The following SEL1L3 variants were observed in gnomAD, a reference collection of about 807,000 sequenced individuals.
The protein encoded by SEL1L3 is protein sel-1 homolog 3.
A neutral mutation model predicts 142.8 loss-of-function variants in SEL1L3; 76 were observed. The ratio of observed to expected loss-of-function variants is 0.53; its 90% CI spans 0.44 to 0.64. The LOEUF is 0.64. Ranked by LOEUF, SEL1L3 falls within the 30% of genes least tolerant of loss-of-function variation. The pLI is 0.00. For synonymous variants in SEL1L3, 504 were observed against 519.6 expected, an observed-to-expected ratio of 0.97 and a Z score of 0.41; for missense variants, 1,262 against 1,381.7, an observed-to-expected ratio of 0.91 and a Z score of 1.37.
At chr4:25,716,877 A>G in the SEL1L3 span, among the ~76,000 whole-genome samples, 2 of 152,312 alleles carry the variant, frequency 1.3e-5, no homozygotes, top group Admixed American at 1.3e-4. Flanking sequence ...CTGTAACCCC[A>G]GAACCTTTGG....
At chr4:25,831,513 T>TA (rs1560340097) in intron 5 of SEL1L3, among the ~76,000 whole-genome samples, 6,538 of 100,532 alleles carry the variant, frequency 0.065, 173 homozygotes, top group Admixed American at 0.082. Flanking sequence ...TAATAATAAT[T>TA]ATTATTATTA....
intron 23 of SEL1L3, chr4:25,756,455 G>T: frequency 1.0e-6 from 1 of 985,054 alleles, no homozygotes; most frequent in Non-Finnish European, 1.2e-6. Context: ...AACTACAGCC[G>T]TCATTTTGGT....
chr4:25,818,971 C>A (rs1714576244), intron 8 of SEL1L3, among the ~76,000 whole-genome samples: 2 of 152,196 alleles, frequency 1.3e-5, no homozygotes, highest in South Asian at 2.1e-4. Context: ...TCCCTCCCTC[C>A]ACGACCTGGA....
chr4:25,844,772 T>C (rs1361913458), intron 2 of SEL1L3, among the ~76,000 whole-genome samples: 5 of 152,150 alleles, frequency 3.3e-5, no homozygotes, highest in Non-Finnish European at 7.4e-5. Flanking sequence ...CCTTAACAAA[T>C]TAGGTGGCCC....
In SEL1L3 at chr4:25,790,447, G is replaced by A. The variant is rs367563253; in HGVS notation, c.2076+8C>T. 3.8e-5 allele frequency: 62 copies of A among 1,613,424 alleles called. No individual in the cohort carries two copies. The highest frequency in any genetic ancestry group is 1.7e-4 in the African/African-American group (13 of 74,852). Reference sequence around the variant, plus strand: ...CAGAATCCCCAAGACAGTAGCCTGCGTTTTTACCTGAGCTGCTGCATTGCC... The same window carrying A: ...CAGAATCCCCAAGACAGTAGCCTGCATTTTTACCTGAGCTGCTGCATTGCC... On this transcript the variant is annotated splice_region_variant and intron_variant, in intron 12 of 23. Coordinates refer to ENST00000399878, the MANE Select transcript of SEL1L3 (RefSeq NM_015187.5).
chr4:25,778,571 A>C (rs1271307556), intron 16 of SEL1L3, among the ~76,000 whole-genome samples: 10 of 152,230 alleles, frequency 6.6e-5, no homozygotes, highest in Admixed American at 5.2e-4. Flanking sequence ...GTAAACCCTG[A>C]TACTAATGTA....
At chr4:25,862,360 G>A (rs777874625) in intron 1 of SEL1L3, among the ~76,000 whole-genome samples, 2 of 151,876 alleles carry the variant, frequency 1.3e-5, no homozygotes, top group Admixed American at 6.5e-5. Flanking sequence ...GCGAACTCCG[G>A]GCGGCGAGGC....
chr4:25,845,983 G>T (rs117326339), intron 2 of SEL1L3, among the ~76,000 whole-genome samples: 1 of 152,032 alleles, frequency 6.6e-6, no homozygotes, highest in Non-Finnish European at 1.5e-5. Context: ...CCCCACCCCC[G>T]CAGATCCTGA....
chr4:25,835,057 A>C, intron 3 of SEL1L3, 140 bp downstream of exon 3: 1 of 962,214 alleles, frequency 1.0e-6, no homozygotes, highest in East Asian at 2.4e-5. Context: ...ATTCTGTCTA[A>C]GCCATGGAAA....
At chr4:25,840,408 A>G (rs2109298493) in intron 2 of SEL1L3, among the ~76,000 whole-genome samples, 1 of 152,312 alleles carries the variant, frequency 6.6e-6, no homozygotes, top group East Asian at 1.9e-4. Context: ...TTTCACAAAG[A>G]CAAGTCAAGG....
rs758157762 is a variant in SEL1L3 at position 25,830,105 on chromosome 4, T to C, written c.1150A>G (p.Thr384Ala). The C allele has an allele frequency of 6.2e-7, 1 of 1,608,722 alleles. No individual in the cohort carries two copies. The highest frequency in any genetic ancestry group is 1.1e-5 in the South Asian group (1 of 90,848). ...GQDLKSYHNQTISFREDFHYN... is the reference protein window; with the variant it reads ...GQDLKSYHNQAISFREDFHYN... The stretch of plus-strand genomic sequence containing the variant: ...AAGAAAAATCGCACTTACCTAATGG[T>C]CTGATTGTGGTAGCTTTTCAAATCC... The change falls in exon 6 of 24, where the codon ACC (threonine) becomes GCC (alanine). Residue 384 changes from threonine (T) to alanine (A), a missense_variant. Physicochemically the swap from Thr to Ala is moderately conservative, Grantham distance 58. Coordinates refer to ENST00000399878, the MANE Select transcript of SEL1L3 (RefSeq NM_015187.5).
chr4:25,784,214 T>C lies in SEL1L3; in HGVS notation c.2280+14A>G. 1 of 1,605,158 alleles carries C rather than the reference T, an allele frequency of 6.2e-7. No homozygotes were observed. The highest frequency in any genetic ancestry group is 2.2e-5 in the East Asian group (1 of 44,820). On this transcript the variant is annotated intron_variant, in intron 14 of 23. Coordinates refer to ENST00000399878, the MANE Select transcript of SEL1L3 (RefSeq NM_015187.5). ...TGGTGGAACTGTTTCCCTCTGACAA[T>C]ATGCATGTGTTACCTTGGAAGCTGC...
rs867785301 is a variant in SEL1L3 at position 25,830,267 on chromosome 4, T to A, written c.1099-111A>T. On this transcript the variant is annotated intron_variant, in intron 5 of 23. Transcript: ENST00000399878. Reference sequence around the variant, plus strand: ...ATGTGTTGGAGAGTCTTTTACCTGATCAGTTTCTGCAAAAATAAAATTAAC... The same window carrying A: ...ATGTGTTGGAGAGTCTTTTACCTGAACAGTTTCTGCAAAAATAAAATTAAC... 8.0e-6 allele frequency: 5 copies of A among 628,798 alleles called. 1 individual carries two copies. In the Middle Eastern group the frequency reaches 1.3e-3, roughly 160 times the overall value. 39.0% of individuals were successfully genotyped at this position (628,798 alleles called of 1,614,324 possible). A position where few individuals can be genotyped will look rare whatever the true frequency, so the allele number is the denominator to read the frequency against.
intron 2 of SEL1L3, among the ~76,000 whole-genome samples, chr4:25,836,040 T>C (rs1397780831): frequency 6.6e-6 from 1 of 152,212 alleles, no homozygotes; most frequent in Admixed American, 6.5e-5. Flanking sequence ...ATCCATACTC[T>C]TAAAATTGCA....
chr4:25,837,114 G>A (rs1715881438), intron 2 of SEL1L3, among the ~76,000 whole-genome samples: 2 of 151,902 alleles, frequency 1.3e-5, no homozygotes, highest in East Asian at 3.9e-4. Context: ...GGGCCCACTG[G>A]ACTTGCTGGT....
At chr4:25,753,277 T>C (rs556260736) in intron 23 of SEL1L3, among the ~76,000 whole-genome samples, 2 of 152,380 alleles carry the variant, frequency 1.3e-5, no homozygotes, top group Admixed American at 1.3e-4. Flanking sequence ...CTGCAAGTCT[T>C]GACTATAAAT....
At chr4:25,816,260 TAGAAGAC>T (rs997431456) in intron 9 of SEL1L3, among the ~76,000 whole-genome samples, 1 of 151,758 alleles carries the variant, frequency 6.6e-6, no homozygotes, top group Non-Finnish European at 1.5e-5. Flanking sequence ...AACCCAATAC[TAGAAGAC>T]AGATACTATT....
the SEL1L3 span, among the ~76,000 whole-genome samples, chr4:25,737,242 T>A: frequency 6.6e-6 from 1 of 152,168 alleles, no homozygotes; most frequent in South Asian, 2.1e-4. Flanking sequence ...CTTGGCCTCG[T>A]AAAGTGCTGG....
rs1405035475 is a variant in SEL1L3, at chr4:25,843,892, C to T, written c.733+3402G>A. Among the ~76,000 whole-genome samples, 3 of 152,272 alleles carry T rather than the reference C, an allele frequency of 2.0e-5. No homozygotes were observed. The East Asian group carries it at 5.8e-4, about 29-fold the overall frequency. ...GTGTCTGGACACACGTGGCCCTCGCCTCGGGAGCCTTGGCAAAGCCAGCGA... is the reference window on the plus strand; with the variant it reads ...GTGTCTGGACACACGTGGCCCTCGCTTCGGGAGCCTTGGCAAAGCCAGCGA... On this transcript the variant is annotated intron_variant, in intron 2 of 23. Transcript: ENST00000399878.
Sources: gnomAD v4.1 joint callset for allele counts (sites outside exome capture counted in the v4.1 genomes callset) on GRCh38, gnomAD v4.1.1 for gene constraint, MANE v1.5 for transcripts, NCBI Gene and HGNC (gene_info 2026-07-23, HGNC 2026-07-21) for gene names.